Variants in ESR1 observed in about 807,000 individuals in gnomAD.
ESR1 encodes the protein estrogen receptor 1, also known as estrogen receptor.
Under a neutral mutation model 52.7 loss-of-function variants are expected in ESR1, and 12 were observed. The ratio of observed to expected loss-of-function variants is 0.23; its 90% confidence interval spans 0.15 to 0.37. ESR1 has a LOEUF of 0.37. Among genes scored for constraint, ESR1 ranks in the 10% least tolerant of loss-of-function variants. ESR1 has a pLI of 1.00. For synonymous variants in ESR1, 305 were observed against 316.8 expected (o/e 0.96, Z 0.39); for missense variants, 584 against 779.7 (o/e 0.75, Z 2.99).
chr6:151,842,475 A>G, intron 1 of ESR1, 122 bp from the exon 2 acceptor site: 1 of 918,230 alleles, frequency 1.1e-6, no homozygotes. Flanking sequence ...GTAATGAAAG[A>G]TTAGCTTACA....
intron 2 of ESR1, among the ~76,000 whole-genome samples, chr6:151,732,206 A>G (rs112525659): frequency 6.6e-6 from 1 of 152,320 alleles, no homozygotes; most frequent in African/African-American, 2.4e-5. Flanking sequence ...TAAAATTGCC[A>G]CTATAAATAG....
chr6:151,774,142 A>G (rs1177677411), intron 2 of ESR1, among the ~76,000 whole-genome samples: 2 of 152,182 alleles, frequency 1.3e-5, no homozygotes, highest in Admixed American at 1.3e-4. Flanking sequence ...GTTTTGACTT[A>G]CCTTGCAATA....
chr6:151,763,120 A>G (rs565928186), intron 2 of ESR1, among the ~76,000 whole-genome samples: 15 of 152,236 alleles, frequency 9.9e-5, no homozygotes, highest in African/African-American at 3.4e-4. Flanking sequence ...CTGTATTGCT[A>G]AGAGCAATTT....
In ESR1 at chr6:152,094,695, A is replaced by G. The variant is rs1454237041; in HGVS notation, c.1553+127A>G. On this transcript the variant is annotated intron_variant, in intron 7 of 7. Transcript: ENST00000206249. This position sits in a 1 kb window ranked among gnomAD's most constrained non-coding sequence, Gnocchi z 4.6. ...GTGCACTTGTGACAGTTCCTGGCAT[A>G]GAATAAGCATAAATGCTATAGGAGG... 3 of 853,162 alleles carry G rather than the reference A, an allele frequency of 3.5e-6. No individual in the cohort carries two copies. In the East Asian group the frequency reaches 7.9e-5, roughly 22 times the overall value. The allele number at this position is 853,162 out of a possible 1,614,324, so 52.8% of individuals were successfully genotyped here. A position where few individuals can be genotyped will look rare whatever the true frequency, so the allele number is the denominator to read the frequency against.
chr6:151,900,823 C>T (rs1796563491), intron 3 of ESR1, among the ~76,000 whole-genome samples: 1 of 152,196 alleles, frequency 6.6e-6, no homozygotes. Flanking sequence ...CGTTGGATTC[C>T]AGCACCTGCT....
intron 5 of ESR1, among the ~76,000 whole-genome samples, chr6:152,035,146 A>G (rs1176186425): frequency 6.6e-6 from 1 of 152,174 alleles, no homozygotes; most frequent in Non-Finnish European, 1.5e-5. Flanking sequence ...TATCCTATTT[A>G]AAACATTCTT....
Position 151,931,685 on chromosome 6 carries a change from G to A in ESR1, c.761-12488G>A, listed in dbSNP as rs368927655. ...ATCTCATTGTTCAGTTCCCACCTAT[G>A]AGTGAGAATATGCGGTGTTTGGTTT... On this transcript the variant is annotated intron_variant, in intron 3 of 7. Coordinates refer to ENST00000206249, the MANE Select transcript of ESR1 (RefSeq NM_000125.4). 8.3e-4 allele frequency among the ~76,000 whole-genome samples: 121 copies of A among 145,826 alleles called. 1 individual carries two copies. The East Asian group carries it at 0.02, about 25-fold the overall frequency.
chr6:151,877,121 T>A (rs1791970718), intron 2 of ESR1, among the ~76,000 whole-genome samples: 1 of 152,258 alleles, frequency 6.6e-6, no homozygotes, highest in Non-Finnish European at 1.5e-5. Context: ...TTCTTTTTTT[T>A]TTATTATACT....
In ESR1 at chr6:152,100,226, C is replaced by G; in HGVS notation, c.*1260C>G. On this transcript the variant is annotated 3_prime_UTR_variant, in exon 8 of 8. Coordinates refer to ENST00000206249, the MANE Select transcript of ESR1 (RefSeq NM_000125.4). ...GGCCCTGGTTGGAAGAAGCAGCTGTCACAGCTGCTGTAGACAGCTGTGTTC... is the reference window on the plus strand; with the variant it reads ...GGCCCTGGTTGGAAGAAGCAGCTGTGACAGCTGCTGTAGACAGCTGTGTTC... 2.5e-6 allele frequency: 1 copy of G among 396,170 alleles called. No individual in the cohort carries two copies. The highest frequency in any genetic ancestry group is 4.4e-6 in the Non-Finnish European group (1 of 225,040). The allele number at this position is 396,170 out of a possible 1,614,324, so 24.5% of individuals were successfully genotyped here.
intron 3 of ESR1, among the ~76,000 whole-genome samples, chr6:151,906,457 AT>A (rs1045079000): frequency 6.6e-6 from 1 of 151,884 alleles, no homozygotes; most frequent in Non-Finnish European, 1.5e-5. Flanking sequence ...TTCTTAAGAC[AT>A]TTTTAATATT....
chr6:152,034,466 T>C (rs1163247418), intron 5 of ESR1, among the ~76,000 whole-genome samples: 1 of 152,188 alleles, frequency 6.6e-6, no homozygotes, highest in Non-Finnish European at 1.5e-5. Context: ...TTTATTTCTG[T>C]CACTGTGCTG....
intron 1 of ESR1, among the ~76,000 whole-genome samples, chr6:151,695,038 C>T (rs970079827): frequency 3.3e-5 from 5 of 152,066 alleles, no homozygotes; most frequent in South Asian, 2.1e-4. Context: ...AGTATGGATG[C>T]GGTTTTGAGG....
chr6:151,789,166 C>G (rs1309879764), intron 2 of ESR1, among the ~76,000 whole-genome samples: 1 of 152,030 alleles, frequency 6.6e-6, no homozygotes, highest in Non-Finnish European at 1.5e-5. Context: ...AAAAGGGAAC[C>G]CTTATTACAC....
In ESR1 at chr6:151,944,443, G is replaced by A. The variant is rs2035468228; in HGVS notation, c.1031G>A (p.Gly344Asp). 6.2e-7 allele frequency: 1 copy of A among 1,614,232 alleles called. No homozygotes were observed. Among genetic ancestry groups the A allele is most frequent in the South Asian group, 1.1e-5 (1 of 91,088 alleles). Residue 344 changes from glycine to aspartate, a missense_variant, in exon 4 of 8, where the codon GGC becomes GAC. Gly to Asp is a moderately conservative substitution (Grantham distance 94). Coordinates refer to ENST00000206249, the MANE Select transcript of ESR1 (RefSeq NM_000125.4). Reference sequence around the variant, plus strand: ...CCCTTCAGTGAAGCTTCGATGATGGGCTTACTGACCAACCTGGCAGACAGG... The same window carrying A: ...CCCTTCAGTGAAGCTTCGATGATGGACTTACTGACCAACCTGGCAGACAGG... ...TRPFSEASMMGLLTNLADREL... is the reference protein window; with the variant it reads ...TRPFSEASMMDLLTNLADREL...
upstream of ESR1, among the ~76,000 whole-genome samples, chr6:151,689,328 T>A (rs74885288): frequency 0.017 from 2,563 of 152,304 alleles, 80 homozygotes; most frequent in African/African-American, 0.059. Context: ...TAAAAATGCT[T>A]ACAGAACCCC....
chr6:151,961,529 A>G lies in ESR1; in HGVS notation c.1096+17021A>G, dbSNP rs146612187. On this transcript the variant is annotated intron_variant, in intron 4 of 7. Coordinates refer to ENST00000206249, the MANE Select transcript of ESR1 (RefSeq NM_000125.4). Reference sequence around the variant, plus strand: ...CAAAGGAGGGAGATGGGGAATGGCTACTGGGATGCCATCACATAGATAGGA... The same window carrying G: ...CAAAGGAGGGAGATGGGGAATGGCTGCTGGGATGCCATCACATAGATAGGA... Among the ~76,000 whole-genome samples, 1,023 of 152,272 alleles carry G rather than the reference A, an allele frequency of 6.7e-3. 7 individuals are homozygous for G. The highest frequency in any genetic ancestry group is 0.011 in the Non-Finnish European group (760 of 68,024).
At chr6:151,764,221 A>G (rs1177544504) in intron 2 of ESR1, among the ~76,000 whole-genome samples, 1 of 152,146 alleles carries the variant, frequency 6.6e-6, no homozygotes, top group African/African-American at 2.4e-5. Flanking sequence ...TGGCCACCCT[A>G]TCTTTGTGTG....
chr6:152,082,479 A>G (rs544858771), intron 6 of ESR1, among the ~76,000 whole-genome samples: 2 of 152,240 alleles, frequency 1.3e-5, no homozygotes, highest in Non-Finnish European at 2.9e-5. Context: ...AATAAGAGCT[A>G]TTTATGACAA....
intron 5 of ESR1, among the ~76,000 whole-genome samples, chr6:152,018,715 TC>T (rs2043363841): frequency 6.6e-6 from 1 of 152,146 alleles, no homozygotes; most frequent in South Asian, 2.1e-4. Context: ...ACCATCGCTT[TC>T]CAGGACTGTT....
Sources: gnomAD v4.1 joint callset for allele counts (sites outside exome capture counted in the v4.1 genomes callset) on GRCh38, gnomAD v4.1.1 for gene constraint, Gnocchi (gnomAD v3.1) non-coding constraint, MANE v1.5 for transcripts, NCBI Gene and HGNC (gene_info 2026-07-23, HGNC 2026-07-21) for gene names.